FCRL1: variants seen among roughly 807,000 people sequenced by gnomAD.
FCRL1 encodes the protein Fc receptor like 1.
FCRL1 carries 34 observed loss-of-function variants against 49.2 expected under a neutral mutation model. The observed-to-expected ratio is 0.69, with a 90% CI of 0.53 to 0.92. The LOEUF is 0.92. Among genes scored for constraint, FCRL1 ranks in the 40% least tolerant of loss-of-function variants. The probability of loss-of-function intolerance (pLI) is 0.00; values close to 1 mark genes in which losing one functional copy is unlikely to be tolerated. For synonymous variants in FCRL1, 218 were observed against 201.6 expected, an observed-to-expected ratio of 1.08 and a Z score of -0.69; for missense variants, 524 against 524.1, an observed-to-expected ratio of 1.00 and a Z score of 0.00.
Position 157,794,532 on chromosome 1 carries a change from T to G in FCRL1, c.*1567A>C, listed in dbSNP as rs1286449061. 1 of 152,168 alleles carries G rather than the reference T, an allele frequency of 6.6e-6. No individual in the cohort carries two copies. The highest frequency in any genetic ancestry group is 1.5e-5 in the Non-Finnish European group (1 of 68,038). 9.4% of individuals were successfully genotyped at this position (152,168 alleles called of 1,614,324 possible). ...TGATACAGCCTTACCTGAGAGACATTGAAGACTATTTAACAAGAATATTTA... is the reference window on the plus strand; with the variant it reads ...TGATACAGCCTTACCTGAGAGACATGGAAGACTATTTAACAAGAATATTTA... On this transcript the variant is annotated 3_prime_UTR_variant, in exon 11 of 11. Transcript: ENST00000368176.
chr1:157,819,297 T>TA (rs34477150), intron 1 of FCRL1, among the ~76,000 whole-genome samples: 59,528 of 150,960 alleles, frequency 0.39, 11,825 homozygotes, highest in Middle Eastern at 0.46. Context: ...GTTGTGCATT[T>TA]AAAAAAAAAT....
rs1652167671 is a variant in FCRL1, at chr1:157,799,976, GC to G, written c.1031+81del. On this transcript the variant is annotated intron_variant, in intron 7 of 10. Coordinates refer to ENST00000368176, the MANE Select transcript of FCRL1 (RefSeq NM_052938.5). ...GGTATAATAAAGCCGGAAAAAAAAT[GC>G]TCAGGAGAGAACAAATCTAAATCTA... 6 of 1,323,420 alleles carry G rather than the reference GC, an allele frequency of 4.5e-6. No homozygotes were observed. The African/African-American group carries it at 8.9e-5, about 20-fold the overall frequency. The allele number at this position is 1,323,420 out of a possible 1,614,324, so 82.0% of individuals were successfully genotyped here. A position where few individuals can be genotyped will look rare whatever the true frequency, so the allele number is the denominator to read the frequency against.
At chr1:157,815,154 A>G (rs1423180649) in intron 1 of FCRL1, among the ~76,000 whole-genome samples, 2 of 151,948 alleles carry the variant, frequency 1.3e-5, no homozygotes, top group Non-Finnish European at 2.9e-5. Context: ...CAGAATTCAC[A>G]TTTTTCTCAA....
Position 157,796,064 on chromosome 1 carries a change from T to A in FCRL1, c.*35A>T, listed in dbSNP as rs982261433. The A allele has an allele frequency of 6.3e-7, 1 of 1,575,734 alleles. No individual in the cohort carries two copies. The highest frequency in any genetic ancestry group is 8.7e-7 in the Non-Finnish European group (1 of 1,145,036). On this transcript the variant is annotated 3_prime_UTR_variant, in exon 11 of 11. Coordinates refer to ENST00000368176, the MANE Select transcript of FCRL1 (RefSeq NM_052938.5). Reference sequence around the variant, plus strand: ...ATATCAGGCCTGAGGCTTGGGGTCATGGATGGTTTTCAAAGAGCAGAATCT... The same window carrying A: ...ATATCAGGCCTGAGGCTTGGGGTCAAGGATGGTTTTCAAAGAGCAGAATCT...
In FCRL1 at chr1:157,820,057, G is replaced by A. The variant is rs370422939; in HGVS notation, c.-20C>T. 9.3e-5 allele frequency: 150 copies of A among 1,613,914 alleles called. No homozygotes were observed. Among genetic ancestry groups the A allele is most frequent in the Non-Finnish European group, 1.2e-4 (138 of 1,179,972 alleles). On this transcript the variant is annotated 5_prime_UTR_variant, in exon 1 of 11. Transcript: ENST00000368176. Reference sequence around the variant, plus strand: ...CAGCATGAGGACCAGGTCAGGGATGGTACCTAGAGATGCCTCTCATCAAAA... The same window carrying A: ...CAGCATGAGGACCAGGTCAGGGATGATACCTAGAGATGCCTCTCATCAAAA...
In FCRL1 at chr1:157,796,003, T is replaced by A. The variant is rs965727395; in HGVS notation, c.*96A>T. On this transcript the variant is annotated 3_prime_UTR_variant, in exon 11 of 11. Transcript: ENST00000368176. ...TGGAGAATGGCATCCAGAAGAGGTA[T>A]ACTGGAAAGCTAATGCCCCAGGATC... 2.0e-6 allele frequency: 2 copies of A among 1,007,190 alleles called. No individual in the cohort carries two copies. Among genetic ancestry groups the A allele is most frequent in the Admixed American group, 3.5e-5 (2 of 57,788 alleles). 62.4% of individuals were successfully genotyped at this position (1,007,190 alleles called of 1,614,324 possible).
intron 6 of FCRL1, among the ~76,000 whole-genome samples, chr1:157,800,472 G>A: frequency 6.6e-6 from 1 of 152,188 alleles, no homozygotes; most frequent in East Asian, 1.9e-4. Context: ...ACCCAAATAT[G>A]TCAGAAAAGC....
At chr1:157,798,036 G>A (rs1651820386) in intron 8 of FCRL1, 97 bp from the exon 9 acceptor site, 3 of 1,512,032 alleles carry the variant, frequency 2.0e-6, no homozygotes, top group Middle Eastern at 1.7e-4. Context: ...GAAGACAGAT[G>A]AGTCATTTGT....
Position 157,797,143 on chromosome 1 carries a change from A to C in FCRL1, c.1187-11T>G. On this transcript the variant is annotated splice_polypyrimidine_tract_variant and intron_variant, in intron 9 of 10. Transcript: ENST00000368176. Reference sequence around the variant, plus strand: ...TCCCCAGGGTTTCTGCTGTGGAGAAAAGACAAGTGCTGTGACATTCCACTT... The same window carrying C: ...TCCCCAGGGTTTCTGCTGTGGAGAACAGACAAGTGCTGTGACATTCCACTT... 1 of 1,613,708 alleles carries C rather than the reference A, an allele frequency of 6.2e-7. No individual in the cohort carries two copies. The highest frequency in any genetic ancestry group is 8.5e-7 in the Non-Finnish European group (1 of 1,179,600).
chr1:157,798,094 G>A, intron 8 of FCRL1, 67 bp downstream of exon 8: 2 of 1,544,282 alleles, frequency 1.3e-6, no homozygotes, highest in South Asian at 1.1e-5. Flanking sequence ...GCTAGCAGAT[G>A]TTATCCCATT....
At chr1:157,815,722 A>C (rs534050786) in intron 1 of FCRL1, among the ~76,000 whole-genome samples, 1 of 151,806 alleles carries the variant, frequency 6.6e-6, no homozygotes, top group Non-Finnish European at 1.5e-5. Context: ...AATAAGAAAA[A>C]GGAGAGAAAA....
intron 1 of FCRL1, among the ~76,000 whole-genome samples, chr1:157,810,992 G>C (rs1190072915): frequency 6.6e-6 from 1 of 151,936 alleles, no homozygotes; most frequent in Non-Finnish European, 1.5e-5. Context: ...TGTTGCCCAG[G>C]CTGGTCTGAA....
chr1:157,808,620 A>G (rs1349620923), intron 1 of FCRL1, among the ~76,000 whole-genome samples: 1 of 152,218 alleles, frequency 6.6e-6, no homozygotes, highest in Admixed American at 6.5e-5. Context: ...TTTGGATTTC[A>G]TTCTAGGTGT....
intron 8 of FCRL1, 62 bp downstream of exon 8, chr1:157,798,099 C>A: frequency 6.5e-7 from 1 of 1,549,944 alleles, no homozygotes. Context: ...CAGATGTTAT[C>A]CCATTGTCCC....
chr1:157,804,891 G>A (rs1208948900), intron 2 of FCRL1, among the ~76,000 whole-genome samples: 1 of 148,824 alleles, frequency 6.7e-6, no homozygotes, highest in Non-Finnish European at 1.5e-5. Context: ...ACAGGGTCAT[G>A]TTCTGACTCT....
chr1:157,815,189 T>C (rs1430814945), intron 1 of FCRL1, among the ~76,000 whole-genome samples: 4 of 151,948 alleles, frequency 2.6e-5, no homozygotes, highest in African/African-American at 4.8e-5. Context: ...TTCTCAAGGA[T>C]AGATCATATT....
In FCRL1 at chr1:157,820,023, C is replaced by T. The variant is rs770683393; in HGVS notation, c.15G>A (p.Leu5=). The change falls in exon 1 of 11, where the codon CTG becomes CTA. Residue 5 remains leucine, a synonymous_variant. Transcript: ENST00000368176. MLPR[L]LLLICAPLCE... is the part of the protein sequence containing the mutation. ...CCAACTCACCACAGATCAACAGCAA[C>T]AGCCTCGGCAGCATGAGGACCAGGT... The T allele has an allele frequency of 6.2e-7, 1 of 1,614,118 alleles. No individual in the cohort carries two copies. The highest frequency in any genetic ancestry group is 8.5e-7 in the Non-Finnish European group (1 of 1,180,040).
At chr1:157,798,056 A>G in intron 8 of FCRL1, 105 bp downstream of exon 8, 1 of 1,493,118 alleles carries the variant, frequency 6.7e-7, no homozygotes, top group Non-Finnish European at 9.3e-7. Flanking sequence ...TTTGTAGCAG[A>G]GGCTAGGGCA....
intron 9 of FCRL1, 130 bp downstream of exon 9, chr1:157,797,738 A>G: frequency 6.4e-7 from 1 of 1,571,618 alleles, no homozygotes. Context: ...ACAGCCATTA[A>G]GTACACACAG....
Sources: allele counts gnomAD v4.1 joint callset (sites outside exome capture counted in the v4.1 genomes callset), GRCh38; gene constraint gnomAD v4.1.1; transcripts MANE v1.5; gene names NCBI Gene and HGNC (gene_info 2026-07-23, HGNC 2026-07-21).